PPP1R12A: variants seen among roughly 807,000 people sequenced by gnomAD.
PPP1R12A encodes protein phosphatase 1 regulatory subunit 12A, also known as myosin binding subunit.
A neutral mutation model predicts 139.6 loss-of-function variants in PPP1R12A; 19 were observed. That is an observed-to-expected ratio of 0.14 (90% CI 0.09 to 0.20). The LOEUF is 0.20. Ranked by LOEUF, PPP1R12A falls within the 10% of genes least tolerant of loss-of-function variation. PPP1R12A has a pLI of 1.00. For synonymous variants in PPP1R12A, 427 were observed against 420.6 expected (o/e 1.02, Z -0.19); for missense variants, 925 against 1,211.5 (o/e 0.76, Z 3.51).
Position 79,775,790 on chromosome 12 carries a change from T to A in PPP1R12A, c.*139A>T. The A allele has an allele frequency of 2.1e-6, 1 of 470,750 alleles. No individual in the cohort carries two copies. Among genetic ancestry groups the A allele is most frequent in the Non-Finnish European group, 3.6e-6 (1 of 280,478 alleles). 29.2% of individuals were successfully genotyped at this position (470,750 alleles called of 1,614,324 possible). On this transcript the variant is annotated 3_prime_UTR_variant, in exon 25 of 25. Coordinates refer to ENST00000450142, the MANE Select transcript of PPP1R12A (RefSeq NM_002480.3). ...AAAATTAAACAAAATGAAACAAAAA[T>A]TCTAGATAAGAGGGCATTTGGCAGG...
chr12:79,821,721 C>G (rs976999681), intron 6 of PPP1R12A, among the ~76,000 whole-genome samples: 1 of 150,202 alleles, frequency 6.7e-6, no homozygotes, highest in African/African-American at 2.5e-5. Context: ...CCACTGTACT[C>G]TAGCCTGGGA....
In PPP1R12A at chr12:79,890,664, C is replaced by A. The variant is rs980136518; in HGVS notation, c.238-17726G>T. Reference sequence around the variant, plus strand: ...TTTCTAATTAAACAATGGTTAGTTACGGACAATCAACATTAATTGAACAAC... The same window carrying A: ...TTTCTAATTAAACAATGGTTAGTTAAGGACAATCAACATTAATTGAACAAC... On this transcript the variant is annotated intron_variant, in intron 1 of 24. Coordinates refer to ENST00000450142, the MANE Select transcript of PPP1R12A (RefSeq NM_002480.3). Among the ~76,000 whole-genome samples, 4 of 151,998 alleles carry A rather than the reference C, an allele frequency of 2.6e-5. No individual in the cohort carries two copies. In the South Asian group the frequency reaches 6.2e-4, roughly 24 times the overall value.
At chr12:79,777,055 A>G in intron 24 of PPP1R12A, 1 of 548,876 alleles carries the variant, frequency 1.8e-6, no homozygotes, top group Non-Finnish European at 2.3e-6. Context: ...ATTCATTTGA[A>G]TATTTGTAAT....
At chr12:79,802,043 ATAAC>A (rs771928231) in intron 14 of PPP1R12A, among the ~76,000 whole-genome samples, 2 of 152,212 alleles carry the variant, frequency 1.3e-5, no homozygotes, top group Non-Finnish European at 1.5e-5. Flanking sequence ...GAATAAGAGA[ATAAC>A]TAATAATCTT....
intron 9 of PPP1R12A, among the ~76,000 whole-genome samples, chr12:79,811,839 C>T (rs747232489): frequency 6.6e-6 from 1 of 152,124 alleles, no homozygotes. Flanking sequence ...AGGTCTCCCA[C>T]CTCCTCAAAA....
At chr12:79,902,709 A>T (rs1056919840) in intron 1 of PPP1R12A, among the ~76,000 whole-genome samples, 1 of 152,210 alleles carries the variant, frequency 6.6e-6, no homozygotes, top group African/African-American at 2.4e-5. Context: ...ACCAAAAATA[A>T]CAATCAAGGA....
chr12:79,890,161 A>G (rs1469463222), intron 1 of PPP1R12A, among the ~76,000 whole-genome samples: 1 of 152,204 alleles, frequency 6.6e-6, no homozygotes, highest in Non-Finnish European at 1.5e-5. Context: ...TTTTGAGGCT[A>G]CTTAATAACA....
intron 17 of PPP1R12A, among the ~76,000 whole-genome samples, 185 bp downstream of exon 17, chr12:79,796,597 A>G (rs896256758): frequency 4.6e-5 from 7 of 152,184 alleles, no homozygotes; most frequent in African/African-American, 1.4e-4. Flanking sequence ...TAGTATCAAC[A>G]GCAGGCCATA....
intron 20 of PPP1R12A, chr12:79,789,687 T>C (rs1483680417): frequency 1.1e-5 from 5 of 451,096 alleles, no homozygotes; most frequent in Non-Finnish European, 2.2e-5. Context: ...AGGGCTGTGG[T>C]TAACAATGAT....
intron 3 of PPP1R12A, among the ~76,000 whole-genome samples, chr12:79,843,928 C>A (rs1879082676): frequency 6.6e-6 from 1 of 152,070 alleles, no homozygotes; most frequent in African/African-American, 2.4e-5. Flanking sequence ...TGGTCTCAAG[C>A]TCCTGACCTC....
At chr12:79,791,648 T>A (rs1296058299) in intron 19 of PPP1R12A, among the ~76,000 whole-genome samples, 1 of 152,186 alleles carries the variant, frequency 6.6e-6, no homozygotes, top group Non-Finnish European at 1.5e-5. Flanking sequence ...TAAAAACTTT[T>A]AAGAATTGTG....
chr12:79,793,742 C>T (rs1407356696), intron 19 of PPP1R12A, 121 bp downstream of exon 19: 10 of 683,604 alleles, frequency 1.5e-5, no homozygotes, highest in Non-Finnish European at 2.1e-5. Context: ...ATATTGCATA[C>T]CCAGCATGTA....
intron 22 of PPP1R12A, among the ~76,000 whole-genome samples, chr12:79,786,016 T>C (rs1871086638): frequency 6.6e-6 from 1 of 152,162 alleles, no homozygotes; most frequent in Admixed American, 6.5e-5. Flanking sequence ...TGAACAAACA[T>C]AAAATATTTG....
chr12:79,880,226 T>C (rs1272147112), intron 1 of PPP1R12A, among the ~76,000 whole-genome samples: 1 of 152,100 alleles, frequency 6.6e-6, no homozygotes, highest in East Asian at 1.9e-4. Flanking sequence ...TACTAAAATA[T>C]CACGGAGGAC....
At chr12:79,833,252 A>G (rs535775171) in intron 3 of PPP1R12A, among the ~76,000 whole-genome samples, 4 of 152,144 alleles carry the variant, frequency 2.6e-5, no homozygotes, top group Admixed American at 6.5e-5. Context: ...CCTGGGTGAG[A>G]GCAACACCCT....
chr12:79,775,784 C>G lies in PPP1R12A; in HGVS notation c.*145G>C. On this transcript the variant is annotated 3_prime_UTR_variant, in exon 25 of 25. Coordinates refer to ENST00000450142, the MANE Select transcript of PPP1R12A (RefSeq NM_002480.3). ...CCCCAGAAAATTAAACAAAATGAAACAAAAATTCTAGATAAGAGGGCATTT... is the reference window on the plus strand; with the variant it reads ...CCCCAGAAAATTAAACAAAATGAAAGAAAAATTCTAGATAAGAGGGCATTT... 2.2e-6 allele frequency: 1 copy of G among 451,178 alleles called. No homozygotes were observed. Among genetic ancestry groups the G allele is most frequent in the East Asian group, 3.6e-5 (1 of 27,572 alleles). 27.9% of individuals were successfully genotyped at this position (451,178 alleles called of 1,614,324 possible).
chr12:79,789,765 G>C (rs923427909), intron 20 of PPP1R12A: 4 of 372,428 alleles, frequency 1.1e-5, no homozygotes, highest in African/African-American at 9.2e-5. Flanking sequence ...GGATAATTTT[G>C]AATTAGGTGA....
intron 2 of PPP1R12A, among the ~76,000 whole-genome samples, chr12:79,850,712 T>C (rs1447206998): frequency 2.0e-5 from 3 of 152,076 alleles, no homozygotes; most frequent in African/African-American, 7.2e-5. Flanking sequence ...TGGTGGGAGG[T>C]GACTGGATCA....
chr12:79,895,880 T>C (rs1885082630), intron 1 of PPP1R12A, among the ~76,000 whole-genome samples: 1 of 152,170 alleles, frequency 6.6e-6, no homozygotes, highest in African/African-American at 2.4e-5. Context: ...AACAAAATAA[T>C]ACAGCAAATG....
Sources: gnomAD v4.1 joint callset for allele counts (sites outside exome capture counted in the v4.1 genomes callset) on GRCh38, gnomAD v4.1.1 for gene constraint, MANE v1.5 for transcripts, NCBI Gene and HGNC (gene_info 2026-07-23, HGNC 2026-07-21) for gene names.